Variants in BCAS3 observed in about 807,000 individuals in gnomAD.
BCAS3 encodes the protein BCAS4/BCAS3 fusion.
BCAS3 carries 53 observed loss-of-function variants against 116.1 expected under a neutral mutation model. The ratio of observed to expected loss-of-function variants is 0.46; its 90% confidence interval spans 0.37 to 0.57. The LOEUF is 0.57. Ranked by LOEUF, BCAS3 falls within the 20% of genes least tolerant of loss-of-function variation. BCAS3 has a pLI of 0.00. For missense variants in BCAS3, 917 were observed against 1,165.4 expected (o/e 0.79, Z 3.10); for synonymous variants, 391 against 408.2 (o/e 0.96, Z 0.51).
chr17:61,027,296 A>G (rs1375381244), intron 16 of BCAS3: 1 of 423,630 alleles, frequency 2.4e-6, no homozygotes, highest in Non-Finnish European at 4.5e-6. Context: ...TTGAAATATA[A>G]ATATATTTAA....
Position 61,104,608 on chromosome 17 carries a change from C to A in BCAS3, c.2425+20044C>A, listed in dbSNP as rs139524334. Among the ~76,000 whole-genome samples the A allele has an allele frequency of 1.3e-5, 2 of 152,138 alleles. No individual in the cohort carries two copies. Reference sequence around the variant, plus strand: ...CTCATTTACTTAGGATCCGTGTCAGCGCCTTGAGCTCCAAATCGGGTATTA... The same window carrying A: ...CTCATTTACTTAGGATCCGTGTCAGAGCCTTGAGCTCCAAATCGGGTATTA... On this transcript the variant is annotated intron_variant, in intron 22 of 23. Coordinates refer to ENST00000407086, the MANE Select transcript of BCAS3 (RefSeq NM_017679.5). The surrounding 1 kb of genome is among the most constrained non-coding windows in gnomAD (Gnocchi z 4.1).
intron 23 of BCAS3, among the ~76,000 whole-genome samples, chr17:61,374,552 G>T (rs537435598): frequency 6.6e-6 from 1 of 152,122 alleles, no homozygotes; most frequent in Non-Finnish European, 1.5e-5. Context: ...TCCTTCCTGC[G>T]GCCCCGGGCT....
In BCAS3 at chr17:61,106,455, A is replaced by C. The variant is rs909445694; in HGVS notation, c.2425+21891A>C. ...AGTAATAAAAGAGGTTATAGCATAT[A>C]GCTTAGGTGTGTTGTAGGCTATTCT... On this transcript the variant is annotated intron_variant, in intron 22 of 23. Coordinates refer to ENST00000407086, the MANE Select transcript of BCAS3 (RefSeq NM_017679.5). This position sits in a 1 kb window ranked among gnomAD's most constrained non-coding sequence, Gnocchi z 4.2. Among the ~76,000 whole-genome samples, 1 of 152,260 alleles carries C rather than the reference A, an allele frequency of 6.6e-6. No individual in the cohort carries two copies.
intron 20 of BCAS3, among the ~76,000 whole-genome samples, chr17:61,078,115 T>TA (rs1471345385): frequency 2.6e-5 from 4 of 152,176 alleles, no homozygotes; most frequent in Non-Finnish European, 5.9e-5. Flanking sequence ...ACAAAATGTA[T>TA]TTTTGGCTTA....
rs539581010 is a variant in BCAS3 at position 61,244,302 on chromosome 17, T to C, written c.2426-124025T>C. Among the ~76,000 whole-genome samples the C allele has an allele frequency of 6.6e-6, 1 of 152,198 alleles. No individual in the cohort carries two copies. The highest frequency in any genetic ancestry group is 1.5e-5 in the Non-Finnish European group (1 of 68,034). ...TTGTATACACACATATATACGCTAT[T>C]GTTTGTAAAATGAAATCACACTGAG... is the stretch of plus-strand genomic sequence containing the variant. On this transcript the variant is annotated intron_variant, in intron 22 of 23. Transcript: ENST00000407086. The surrounding 1 kb of genome is among the most constrained non-coding windows in gnomAD (Gnocchi z 4.9).
At chr17:60,678,266 GTATCCT>G in intron 1 of BCAS3, among the ~76,000 whole-genome samples, 2 of 152,194 alleles carry the variant, frequency 1.3e-5, no homozygotes, top group African/African-American at 4.8e-5. Flanking sequence ...GGAGGTGCAG[GTATCCT>G]CTGAGGAGGT....
At chr17:60,971,842 G>A (rs137970922) in intron 14 of BCAS3, among the ~76,000 whole-genome samples, 2 of 152,324 alleles carry the variant, frequency 1.3e-5, no homozygotes, top group East Asian at 3.9e-4. Context: ...CCATCCCCAA[G>A]TAGGTCTAGA....
At chr17:60,953,603 G>T (rs544230306) in intron 14 of BCAS3, among the ~76,000 whole-genome samples, 1 of 152,028 alleles carries the variant, frequency 6.6e-6, no homozygotes, top group South Asian at 2.1e-4. Flanking sequence ...TGCTTTTGTT[G>T]TGATTGCTTT....
chr17:60,980,086 T>C (rs960236221), intron 14 of BCAS3, among the ~76,000 whole-genome samples: 1 of 152,158 alleles, frequency 6.6e-6, no homozygotes, highest in Non-Finnish European at 1.5e-5. Flanking sequence ...AGTTCCTCCT[T>C]GTACCTCTGG....
rs1473028118 is a variant in BCAS3, at chr17:61,067,271, G to GTATGTA, written c.2030-7648_2030-7647insATGTAT. 2.2e-4 allele frequency among the ~76,000 whole-genome samples: 12 copies of GTATGTA among 55,108 alleles called. 1 individual carries two copies. Among genetic ancestry groups the GTATGTA allele is most frequent in the African/African-American group, 8.2e-4 (11 of 13,390 alleles). The allele number at this position is 55,108 out of a possible 152,430, so 36.2% of individuals were successfully genotyped here. ...TTCATAACTTTATTTATGTGTGTAT[G>GTATGTA]TGTATATATATATATATATATATAT... On this transcript the variant is annotated intron_variant, in intron 19 of 23. Coordinates refer to ENST00000407086, the MANE Select transcript of BCAS3 (RefSeq NM_017679.5).
In BCAS3 at chr17:61,292,236, A is replaced by T. The variant is rs1168718269; in HGVS notation, c.2426-76091A>T. 2.0e-5 allele frequency among the ~76,000 whole-genome samples: 3 copies of T among 151,884 alleles called. No individual in the cohort carries two copies. In the East Asian group the frequency reaches 5.8e-4, roughly 29 times the overall value. ...TTTTCTTTAGATGAGTTCCAACCCC[A>T]CCCCACCCCCACTTTCCTTGCCATT... On this transcript the variant is annotated intron_variant, in intron 22 of 23. Coordinates refer to ENST00000407086, the MANE Select transcript of BCAS3 (RefSeq NM_017679.5).
At chr17:60,919,213 G>A (rs1252682429) in intron 12 of BCAS3, among the ~76,000 whole-genome samples, 1 of 151,976 alleles carries the variant, frequency 6.6e-6, no homozygotes, top group Non-Finnish European at 1.5e-5. Context: ...TTTTTTGGGG[G>A]GGTTAAAACC....
chr17:60,985,336 AG>A (rs2063075030), intron 14 of BCAS3, among the ~76,000 whole-genome samples: 1 of 151,778 alleles, frequency 6.6e-6, no homozygotes, highest in East Asian at 2.0e-4. Context: ...TAGTAGAGAC[AG>A]GGTTTCACCA....
At chr17:61,291,652 A>G (rs2052420178) in intron 22 of BCAS3, among the ~76,000 whole-genome samples, 2 of 152,186 alleles carry the variant, frequency 1.3e-5, no homozygotes, top group South Asian at 2.1e-4. Context: ...CTCCTGACAC[A>G]ATGAATTGCG....
intron 5 of BCAS3, among the ~76,000 whole-genome samples, chr17:60,740,115 C>T (rs114433689): frequency 0.032 from 4,810 of 152,020 alleles, 242 homozygotes; most frequent in African/African-American, 0.1. Flanking sequence ...TCTGAGCTTA[C>T]CAGTTCTGAT....
chr17:61,195,897 ATTGT>A lies in BCAS3; in HGVS notation c.2425+111338_2425+111341del, dbSNP rs539998659. On this transcript the variant is annotated intron_variant, in intron 22 of 23. Coordinates refer to ENST00000407086, the MANE Select transcript of BCAS3 (RefSeq NM_017679.5). ...ATCTGACTGGCTATCTTTGGGAATG[ATTGT>A]TTGTAGACTGTAGTAAAGATGAAAA... 2.0e-3 allele frequency among the ~76,000 whole-genome samples: 302 copies of A among 152,322 alleles called. 2 individuals are homozygous for A. Among genetic ancestry groups the A allele is most frequent in the African/African-American group, 6.8e-3 (284 of 41,570 alleles).
intron 22 of BCAS3, among the ~76,000 whole-genome samples, chr17:61,093,675 A>T (rs575956958): frequency 6.6e-6 from 1 of 152,216 alleles, no homozygotes; most frequent in African/African-American, 2.4e-5. Context: ...TATCAAAAAG[A>T]TACGCCTTTC....
At chr17:60,758,481 A>C (rs1274461879) in intron 6 of BCAS3, among the ~76,000 whole-genome samples, 1 of 152,032 alleles carries the variant, frequency 6.6e-6, no homozygotes, top group Non-Finnish European at 1.5e-5. Flanking sequence ...TTCCGGTTCA[A>C]ACAGTTCTTC....
In BCAS3 at chr17:61,213,812, A is replaced by G. The variant is rs1478585607; in HGVS notation, c.2425+129248A>G. Among the ~76,000 whole-genome samples, 2 of 152,180 alleles carry G rather than the reference A, an allele frequency of 1.3e-5. No homozygotes were observed. The highest frequency in any genetic ancestry group is 3.8e-4 in the East Asian group (2 of 5,198). ...CATGATTACCAAATCACAGCTCCCAACATGTGATTATAAGGGTAGCAGGCA... is the reference window on the plus strand; with the variant it reads ...CATGATTACCAAATCACAGCTCCCAGCATGTGATTATAAGGGTAGCAGGCA... On this transcript the variant is annotated intron_variant, in intron 22 of 23. Transcript: ENST00000407086. The surrounding 1 kb of genome is among the most constrained non-coding windows in gnomAD (Gnocchi z 5.4).
Sources: allele counts gnomAD v4.1 joint callset (sites outside exome capture counted in the v4.1 genomes callset), GRCh38; gene constraint gnomAD v4.1.1; non-coding constraint Gnocchi (gnomAD v3.1); transcripts MANE v1.5; gene names NCBI Gene and HGNC (gene_info 2026-07-23, HGNC 2026-07-21).